The following MARCHF1 variants were observed in gnomAD, a reference collection of about 807,000 sequenced individuals.
The protein encoded by MARCHF1 is membrane associated ring-CH-type finger 1.
A neutral mutation model predicts 54.2 loss-of-function variants in MARCHF1; 40 were observed. The observed-to-expected ratio is 0.74, with a 90% CI of 0.57 to 0.96. The LOEUF is 0.96. Ranked by LOEUF, MARCHF1 falls within the 40% of genes least tolerant of loss-of-function variation. The probability of loss-of-function intolerance (pLI) is 0.00; values close to 1 mark genes in which losing one functional copy is unlikely to be tolerated. For synonymous variants in MARCHF1, 236 were observed against 236.3 expected, an observed-to-expected ratio of 1.00 and a Z score of 0.01; for missense variants, 586 against 656.5, an observed-to-expected ratio of 0.89 and a Z score of 1.17.
chr4:164,275,580 AAGG>A (rs1364059502), intron 1 of MARCHF1, among the ~76,000 whole-genome samples: 8 of 152,066 alleles, frequency 5.3e-5, no homozygotes, highest in African/African-American at 1.9e-4. Context: ...GAGAAGTGAG[AAGG>A]AGATTAGTGG....
chr4:164,101,299 C>T (rs1755552167), intron 2 of MARCHF1, among the ~76,000 whole-genome samples: 1 of 151,404 alleles, frequency 6.6e-6, no homozygotes, highest in South Asian at 2.1e-4. Context: ...TAGGCTCCAC[C>T]TCTGGGGGCA....
intron 1 of MARCHF1, among the ~76,000 whole-genome samples, chr4:164,202,991 GAA>G (rs202152603): frequency 1.3e-5 from 2 of 151,740 alleles, no homozygotes; most frequent in East Asian, 4.0e-4. Flanking sequence ...GAGAAAGGGA[GAA>G]AGAGAGAGAG....
chr4:163,540,359 T>C (rs1378841156), intron 9 of MARCHF1, among the ~76,000 whole-genome samples: 1 of 152,064 alleles, frequency 6.6e-6, no homozygotes, highest in Admixed American at 6.5e-5. Flanking sequence ...AACTACGAAG[T>C]GTGTGTATAA....
intron 1 of MARCHF1, among the ~76,000 whole-genome samples, chr4:164,138,792 A>G (rs973122785): frequency 3.9e-5 from 6 of 152,182 alleles, no homozygotes; most frequent in Admixed American, 2.0e-4. Context: ...GTTTCCAGCA[A>G]TAAGTAAGGC....
intron 5 of MARCHF1, among the ~76,000 whole-genome samples, chr4:163,657,642 G>T (rs2111089853): frequency 6.6e-6 from 1 of 152,074 alleles, no homozygotes; most frequent in Admixed American, 6.6e-5. Context: ...GAGGCATCGT[G>T]CTTCTGGACT....
At chr4:164,358,199 C>T (rs779044912) in intron 1 of MARCHF1, among the ~76,000 whole-genome samples, 2 of 152,106 alleles carry the variant, frequency 1.3e-5, no homozygotes, top group Non-Finnish European at 2.9e-5. Flanking sequence ...GTTTGCTTCT[C>T]AGACTGACCC....
At chr4:163,855,036 C>T (rs1749735682) in intron 3 of MARCHF1, among the ~76,000 whole-genome samples, 1 of 152,070 alleles carries the variant, frequency 6.6e-6, no homozygotes, top group South Asian at 2.1e-4. Context: ...TTTTTCACAG[C>T]ATCCAAAGCA....
chr4:163,615,557 A>G (rs148449121), intron 5 of MARCHF1, among the ~76,000 whole-genome samples: 198 of 148,614 alleles, frequency 1.3e-3, no homozygotes, highest in Non-Finnish European at 2.1e-3. Flanking sequence ...AGTACAAAAC[A>G]GTAATGAAAG....
intron 1 of MARCHF1, among the ~76,000 whole-genome samples, chr4:164,142,384 A>C (rs1756568547): frequency 1.3e-5 from 2 of 152,096 alleles, no homozygotes; most frequent in Non-Finnish European, 2.9e-5. Flanking sequence ...CAGACAAACA[A>C]AAAGACAGCA....
At chr4:164,242,564 A>G (rs977218476) in intron 1 of MARCHF1, among the ~76,000 whole-genome samples, 1 of 152,116 alleles carries the variant, frequency 6.6e-6, no homozygotes, top group Non-Finnish European at 1.5e-5. Flanking sequence ...TCTAAAAAGC[A>G]GAGCGCCTCT....
intron 1 of MARCHF1, among the ~76,000 whole-genome samples, chr4:164,225,735 A>G (rs934174183): frequency 6.6e-6 from 1 of 152,018 alleles, no homozygotes; most frequent in Non-Finnish European, 1.5e-5. Flanking sequence ...TATATTATTA[A>G]TGGGAATGCA....
At chr4:163,770,459 G>C (rs75733600) in intron 4 of MARCHF1, among the ~76,000 whole-genome samples, 2,288 of 151,712 alleles carry the variant, frequency 0.015, 60 homozygotes, top group African/African-American at 0.051. Context: ...TGAGCTCAAA[G>C]GAGAATTAGT....
At chr4:163,693,180 G>A (rs1443817742) in intron 5 of MARCHF1, among the ~76,000 whole-genome samples, 2 of 151,380 alleles carry the variant, frequency 1.3e-5, no homozygotes, top group African/African-American at 4.9e-5. Flanking sequence ...TAGGATATCT[G>A]TGTCCCAGAG....
At chr4:163,828,438 A>T (rs1748917744) in intron 4 of MARCHF1, among the ~76,000 whole-genome samples, 1 of 152,146 alleles carries the variant, frequency 6.6e-6, no homozygotes. Flanking sequence ...TATGCACAAG[A>T]CTTCTAAATA....
At chr4:164,225,886 A>T (rs950499468) in intron 1 of MARCHF1, among the ~76,000 whole-genome samples, 2 of 152,018 alleles carry the variant, frequency 1.3e-5, no homozygotes, top group Non-Finnish European at 2.9e-5. Context: ...TGTAAATCAC[A>T]ACTATTGTTT....
At chr4:164,210,176 T>G (rs554535397) in intron 1 of MARCHF1, among the ~76,000 whole-genome samples, 8 of 152,328 alleles carry the variant, frequency 5.3e-5, no homozygotes, top group Admixed American at 3.3e-4. Flanking sequence ...AAAGTGTGAT[T>G]AAACTGATTG....
chr4:163,550,574 C>A (rs902121428), intron 8 of MARCHF1, among the ~76,000 whole-genome samples: 11 of 150,756 alleles, frequency 7.3e-5, no homozygotes, highest in African/African-American at 2.7e-4. Context: ...GCAGGTTCTT[C>A]CTGTCATTTT....
chr4:164,348,792 T>G (rs1730193277), intron 1 of MARCHF1, among the ~76,000 whole-genome samples: 1 of 152,106 alleles, frequency 6.6e-6, no homozygotes, highest in African/African-American at 2.4e-5. Flanking sequence ...CAGGGGGTGT[T>G]TGGTCAGTTC....
At chr4:163,933,454 T>C (rs989866193) in intron 3 of MARCHF1, among the ~76,000 whole-genome samples, 9 of 152,342 alleles carry the variant, frequency 5.9e-5, no homozygotes, top group South Asian at 2.1e-4. Context: ...GTTACTGCTG[T>C]AGAAAAGTAT....
Sources: allele counts gnomAD v4.1 joint callset (sites outside exome capture counted in the v4.1 genomes callset), GRCh38; gene constraint gnomAD v4.1.1; transcripts MANE v1.5; gene names NCBI Gene and HGNC (gene_info 2026-07-23, HGNC 2026-07-21).